The following FAM178B variants were observed in gnomAD, a reference collection of about 807,000 sequenced individuals.
FAM178B encodes the protein family with sequence similarity 178 member B.
Under a neutral mutation model 91.7 loss-of-function variants are expected in FAM178B, and 82 were observed. The ratio of observed to expected loss-of-function variants is 0.89; its 90% CI spans 0.75 to 1.07. The LOEUF (loss-of-function observed/expected upper bound fraction) is 1.07, where lower values mean the gene tolerates loss of function less well. Ranked by LOEUF, FAM178B falls within the 50% of genes least tolerant of loss-of-function variation. The probability of loss-of-function intolerance (pLI) is 0.00; values close to 1 mark genes in which losing one functional copy is unlikely to be tolerated. For missense variants in FAM178B, 769 were observed against 846.7 expected (o/e 0.91, Z 1.14); for synonymous variants, 368 against 359.4 (o/e 1.02, Z -0.27).
chr2:96,958,401 T>C (rs927838211), intron 6 of FAM178B, among the ~76,000 whole-genome samples: 19 of 150,940 alleles, frequency 1.3e-4, no homozygotes, highest in South Asian at 2.1e-4. Context: ...CTAAAGAAAA[T>C]TGAAGGCCAG....
intron 8 of FAM178B, among the ~76,000 whole-genome samples, chr2:96,932,589 A>G (rs1485142238): frequency 6.6e-6 from 1 of 152,200 alleles, no homozygotes; most frequent in Admixed American, 6.5e-5. Flanking sequence ...CTCCAGACAC[A>G]GAACAGTCAT....
intron 5 of FAM178B, among the ~76,000 whole-genome samples, chr2:96,961,674 C>T (rs1481854682): frequency 6.6e-6 from 1 of 152,196 alleles, no homozygotes; most frequent in African/African-American, 2.4e-5. Context: ...AGGGGCAGAA[C>T]AGCCCAGGGG....
chr2:96,898,714 G>A (rs2080869417), intron 13 of FAM178B, among the ~76,000 whole-genome samples: 1 of 152,192 alleles, frequency 6.6e-6, no homozygotes, highest in Non-Finnish European at 1.5e-5. Flanking sequence ...TCCCCTATCT[G>A]TAAAATATGG....
At chr2:96,895,198 T>G (rs1574206746) in intron 13 of FAM178B, 1 of 983,224 alleles carries the variant, frequency 1.0e-6, no homozygotes, top group Non-Finnish European at 1.4e-6. Context: ...AAAGAGCTTC[T>G]ACAGAAAAGA....
intron 8 of FAM178B, among the ~76,000 whole-genome samples, chr2:96,943,227 C>T (rs903910616): frequency 2.0e-5 from 3 of 152,156 alleles, no homozygotes; most frequent in Non-Finnish European, 4.4e-5. Context: ...AAAACATTTG[C>T]AAATCACATA....
intron 1 of FAM178B, among the ~76,000 whole-genome samples, chr2:96,984,798 T>C (rs1406089052): frequency 6.6e-6 from 1 of 152,216 alleles, no homozygotes; most frequent in African/African-American, 2.4e-5. Context: ...AAACAAGCAC[T>C]TTCAAAGACA....
At chr2:96,955,279 G>C (rs1264084192) in intron 6 of FAM178B, among the ~76,000 whole-genome samples, 1 of 152,210 alleles carries the variant, frequency 6.6e-6, no homozygotes, top group Non-Finnish European at 1.5e-5. Flanking sequence ...GGGAGGCCAA[G>C]GTGGGAAGAT....
At position 96,986,203 on chromosome 2, in the gene FAM178B, C is replaced by T; in HGVS notation, c.73+38G>A. On this transcript the variant is annotated intron_variant, in intron 1 of 16. Transcript: ENST00000490605. Reference sequence around the variant, plus strand: ...AGTCGAGTGCTCTCTGAGCGCTAACCACGCGCCCCTGCGGTTCCTCGGCCT... The same window carrying T: ...AGTCGAGTGCTCTCTGAGCGCTAACTACGCGCCCCTGCGGTTCCTCGGCCT... 4 of 1,533,884 alleles carry T rather than the reference C, an allele frequency of 2.6e-6. No homozygotes were observed. In the South Asian group the frequency reaches 3.6e-5, roughly 14 times the overall value.
intron 9 of FAM178B, among the ~76,000 whole-genome samples, chr2:96,925,833 T>C (rs1314536207): frequency 6.6e-6 from 1 of 152,224 alleles, no homozygotes; most frequent in Non-Finnish European, 1.5e-5. Flanking sequence ...ACCATCTGCA[T>C]GGCATTCTGA....
At chr2:96,896,546 C>T (rs766466262) in intron 13 of FAM178B, among the ~76,000 whole-genome samples, 14 of 152,114 alleles carry the variant, frequency 9.2e-5, no homozygotes, top group Non-Finnish European at 1.5e-4. Flanking sequence ...ACACCTAGGG[C>T]GAGAAGCAAT....
At position 96,982,723 on chromosome 2, in the gene FAM178B, C is replaced by T. The variant is rs60418983; in HGVS notation, c.73+3518G>A. On this transcript the variant is annotated intron_variant, in intron 1 of 16. Coordinates refer to ENST00000490605, the MANE Select transcript of FAM178B (RefSeq NM_001122646.3). ...AGCTAGGAGTGCAGGTTCACACCAC[C>T]ATGCCCAGCTAATTTTTTTTTTTTT... is the stretch of plus-strand genomic sequence containing the variant. Among the ~76,000 whole-genome samples the T allele has an allele frequency of 7.6e-3, 1,141 of 149,636 alleles. 12 individuals are homozygous for T. Among genetic ancestry groups the T allele is most frequent in the African/African-American group, 0.027 (1,089 of 40,506 alleles).
chr2:96,986,166 G>T, intron 1 of FAM178B, 75 bp downstream of exon 1: 1 of 1,529,226 alleles, frequency 6.5e-7, no homozygotes, highest in South Asian at 1.2e-5. Context: ...GACCAGCCAG[G>T]AGTCCCAGGG....
chr2:96,952,194 C>T (rs988586150), intron 6 of FAM178B, among the ~76,000 whole-genome samples: 3 of 152,160 alleles, frequency 2.0e-5, no homozygotes, highest in African/African-American at 7.2e-5. Context: ...CCCACGAGGC[C>T]AGCGTCTCGC....
At chr2:96,951,614 A>T (rs761613242) in intron 6 of FAM178B, 130 bp from the exon 7 acceptor site, 224 of 704,560 alleles carry the variant, frequency 3.2e-4, no homozygotes, top group Non-Finnish European at 4.4e-4. Context: ...CTAGAGACAA[A>T]TGTGCTTTTC....
intron 12 of FAM178B, among the ~76,000 whole-genome samples, chr2:96,918,301 C>T (rs1480751904): frequency 6.6e-6 from 1 of 151,672 alleles, no homozygotes; most frequent in Non-Finnish European, 1.5e-5. Flanking sequence ...TGAAGATCAA[C>T]AGAGTTGATA....
chr2:96,911,345 C>G (rs62152910), intron 12 of FAM178B, among the ~76,000 whole-genome samples: 18,137 of 152,204 alleles, frequency 0.12, 1,190 homozygotes, highest in Middle Eastern at 0.23. Flanking sequence ...CAGAGGAGGA[C>G]AATGGGAAGA....
chr2:96,932,786 A>T (rs1262575659), intron 8 of FAM178B, among the ~76,000 whole-genome samples: 2 of 151,400 alleles, frequency 1.3e-5, no homozygotes, highest in Non-Finnish European at 2.9e-5. Context: ...AAAAATACAA[A>T]AAAATTAGCC....
Position 96,878,064 on chromosome 2 carries a change from A to C in FAM178B, c.1855-22T>G, listed in dbSNP as rs774893031. ...CGCCCTGTGGAGGCGGAGGGAGGCC[A>C]AGAAGCGGGTGTAGCACAAGCCAGG... On this transcript the variant is annotated intron_variant, in intron 15 of 16. Coordinates refer to ENST00000490605, the MANE Select transcript of FAM178B (RefSeq NM_001122646.3). 6 of 1,603,466 alleles carry C rather than the reference A, an allele frequency of 3.7e-6. No individual in the cohort carries two copies. In the African/African-American group the frequency reaches 6.7e-5, roughly 18 times the overall value.
At chr2:96,946,006 T>C (rs2081821574) in intron 8 of FAM178B, among the ~76,000 whole-genome samples, 1 of 152,132 alleles carries the variant, frequency 6.6e-6, no homozygotes, top group South Asian at 2.1e-4. Flanking sequence ...CACTCTCTCC[T>C]TCCCCTAGCC....
Sources: allele counts gnomAD v4.1 joint callset (sites outside exome capture counted in the v4.1 genomes callset), GRCh38; gene constraint gnomAD v4.1.1; transcripts MANE v1.5; gene names NCBI Gene and HGNC (gene_info 2026-07-23, HGNC 2026-07-21).